ETV2: variants seen among roughly 807,000 people sequenced by gnomAD.
ETV2 encodes ETS variant transcription factor 2.
ETV2 carries 34 observed loss-of-function variants against 35.7 expected under a neutral mutation model. The observed-to-expected ratio is 0.95, with a 90% CI of 0.72 to 1.27. ETV2 has a LOEUF of 1.27. Among genes scored for constraint, ETV2 ranks in the 50% most tolerant of loss-of-function variants. The pLI is 0.00. For synonymous variants in ETV2, 207 were observed against 203.9 expected, an observed-to-expected ratio of 1.02 and a Z score of -0.13; for missense variants, 512 against 470.5, an observed-to-expected ratio of 1.09 and a Z score of -0.82.
chr19:35,643,539 C>A lies in ETV2; in HGVS notation c.501C>A (p.Gly167=), dbSNP rs1001311370. The change falls in exon 5 of 7, where the codon GGC becomes GGA. Residue 167 remains glycine (G), a synonymous_variant. Transcript: ENST00000402764. This position sits in a 1 kb window ranked among gnomAD's most constrained non-coding sequence, Gnocchi z 5.0. ...SVGPDGDTYW[G]SGLGGEPRTD... ...GGCCCGACGGCGATACCTACTGGGG[C>A]AGTGGCCTGGGCGGGGAGCCGCGCA... 1 of 1,552,744 alleles carries A rather than the reference C, an allele frequency of 6.4e-7. No individual in the cohort carries two copies. Among genetic ancestry groups the A allele is most frequent in the Non-Finnish European group, 8.7e-7 (1 of 1,148,082 alleles).
In ETV2 at chr19:35,642,763, A is replaced by C; in HGVS notation, c.154+65A>C. 3.7e-6 allele frequency: 4 copies of C among 1,084,886 alleles called. No individual in the cohort carries two copies. The highest frequency in any genetic ancestry group is 5.2e-6 in the Non-Finnish European group (4 of 769,050). The allele number at this position is 1,084,886 out of a possible 1,614,324, so 67.2% of individuals were successfully genotyped here. A position where few individuals can be genotyped will look rare whatever the true frequency, so the allele number is the denominator to read the frequency against. On this transcript the variant is annotated intron_variant, in intron 3 of 6. Coordinates refer to ENST00000402764, the MANE Select transcript of ETV2 (RefSeq NM_014209.4). The surrounding 1 kb of genome is among the most constrained non-coding windows in gnomAD (Gnocchi z 4.4). ...CGGGGAGGCTGGGATCCTAGGGCAA[A>C]GGGAGGAGGGGGGCGTGCCTAGGTT...
Position 35,644,369 on chromosome 19 carries a change from GC to G in ETV2, c.828+24del. The G allele has an allele frequency of 7.4e-7, 1 of 1,348,402 alleles. No individual in the cohort carries two copies. Among genetic ancestry groups the G allele is most frequent in the Non-Finnish European group, 9.8e-7 (1 of 1,016,056 alleles). 83.5% of individuals were successfully genotyped at this position (1,348,402 alleles called of 1,614,324 possible). ...AGAGGTGGGGCAGCTCCCCTGCCCAGCCAAATCCGCCCCGTCTCTTCTAGTT... is the reference window on the plus strand; with the variant it reads ...AGAGGTGGGGCAGCTCCCCTGCCCAGCAAATCCGCCCCGTCTCTTCTAGTT... On this transcript the variant is annotated intron_variant, in intron 6 of 6. Coordinates refer to ENST00000402764, the MANE Select transcript of ETV2 (RefSeq NM_014209.4). This position sits in a 1 kb window ranked among gnomAD's most constrained non-coding sequence, Gnocchi z 4.7.
In ETV2 at chr19:35,642,989, T is replaced by C; in HGVS notation, c.179T>C (p.Phe60Ser). The change falls in exon 4 of 7, where the codon TTC becomes TCC. Residue 60 changes from phenylalanine (F) to serine (S), a missense_variant. Coordinates refer to ENST00000402764, the MANE Select transcript of ETV2 (RefSeq NM_014209.4). The surrounding 1 kb of genome is among the most constrained non-coding windows in gnomAD (Gnocchi z 4.4). ...WKGTSSSLAS[F>S]PQLDWGSALL... ...GGTACAAGCTCATCCCTGGCAAGCTTCCCACAGCTGGACTGGGGCTCCGCG... is the reference window on the plus strand; with the variant it reads ...GGTACAAGCTCATCCCTGGCAAGCTCCCCACAGCTGGACTGGGGCTCCGCG... 6.4e-7 allele frequency: 1 copy of C among 1,574,274 alleles called. No individual in the cohort carries two copies. Among genetic ancestry groups the C allele is most frequent in the Non-Finnish European group, 8.6e-7 (1 of 1,158,936 alleles).
At position 35,643,112 on chromosome 19, in the gene ETV2, G is replaced by C. The variant is rs932313252; in HGVS notation, c.235+67G>C. ...CCGAGGCACCGGGGCTAGAGGTGTA[G>C]ACTCCCTGATCTTTGAGGACTGAGA... On this transcript the variant is annotated intron_variant, in intron 4 of 6. Transcript: ENST00000402764. The surrounding 1 kb of genome is among the most constrained non-coding windows in gnomAD (Gnocchi z 5.0). 6.5e-6 allele frequency: 9 copies of C among 1,376,608 alleles called. No homozygotes were observed. The highest frequency in any genetic ancestry group is 5.8e-5 in the African/African-American group (4 of 68,486). The allele number at this position is 1,376,608 out of a possible 1,614,324, so 85.3% of individuals were successfully genotyped here. A position where few individuals can be genotyped will look rare whatever the true frequency, so the allele number is the denominator to read the frequency against.
Position 35,643,800 on chromosome 19 carries a change from A to G in ETV2, c.715+47A>G. 1.9e-6 allele frequency: 3 copies of G among 1,608,978 alleles called. No homozygotes were observed. Among genetic ancestry groups the G allele is most frequent in the African/African-American group, 1.3e-5 (1 of 74,490 alleles). ...CGGGGAGGGCGAAGCTGGAGTCCTG[A>G]GCCGGGACCCAGGCACCTAAGGGGG... On this transcript the variant is annotated intron_variant, in intron 5 of 6. Transcript: ENST00000402764. This position sits in a 1 kb window ranked among gnomAD's most constrained non-coding sequence, Gnocchi z 5.0.
rs1967605997 is a variant in ETV2 at position 35,641,878 on chromosome 19, T to C, written c.-306T>C. On this transcript the variant is annotated 5_prime_UTR_variant, in exon 1 of 7. Coordinates refer to ENST00000402764, the MANE Select transcript of ETV2 (RefSeq NM_014209.4). ...CCCCGCCCCCATCACCCCGTAAACTTCTCCCAGCCTCCGCCCTGCCCTCAC... is the reference window on the plus strand; with the variant it reads ...CCCCGCCCCCATCACCCCGTAAACTCCTCCCAGCCTCCGCCCTGCCCTCAC... 7.5e-6 allele frequency: 1 copy of C among 132,462 alleles called. No individual in the cohort carries two copies. 8.2% of individuals were successfully genotyped at this position (132,462 alleles called of 1,614,324 possible).
In ETV2 at chr19:35,644,844, A is replaced by T; in HGVS notation, c.1021A>T (p.Thr341Ser). 6.2e-7 allele frequency: 1 copy of T among 1,600,300 alleles called. No homozygotes were observed. The highest frequency in any genetic ancestry group is 8.5e-7 in the Non-Finnish European group (1 of 1,173,632). The change falls in exon 7 of 7, where the codon ACA (threonine) becomes TCA (serine). Residue 341 changes from threonine to serine, a missense_variant. Transcript: ENST00000402764. This position sits in a 1 kb window ranked among gnomAD's most constrained non-coding sequence, Gnocchi z 4.7. ...TGCGGGAGGCGGACGGGGAGCAGAGACACAATAAAAATTCCCGGTCAAACC... is the reference window on the plus strand; with the variant it reads ...TGCGGGAGGCGGACGGGGAGCAGAGTCACAATAAAAATTCCCGGTCAAACC... ...DCAGGGRGAETQ is the reference protein window; with the variant it reads ...DCAGGGRGAESQ
Position 35,643,784 on chromosome 19 carries a change from C to T in ETV2, c.715+31C>T, listed in dbSNP as rs745347755. The T allele has an allele frequency of 1.9e-6, 3 of 1,612,004 alleles. No individual in the cohort carries two copies. The highest frequency in any genetic ancestry group is 2.2e-5 in the East Asian group (1 of 44,772). ...AGGGCCGCAAAGACTGCGGGGAGGG[C>T]GAAGCTGGAGTCCTGAGCCGGGACC... On this transcript the variant is annotated intron_variant, in intron 5 of 6. Coordinates refer to ENST00000402764, the MANE Select transcript of ETV2 (RefSeq NM_014209.4). The surrounding 1 kb of genome is among the most constrained non-coding windows in gnomAD (Gnocchi z 5.0).
In ETV2 at chr19:35,642,619, A is replaced by T. The variant is rs1967631891; in HGVS notation, c.75A>T (p.Gly25=). The T allele has an allele frequency of 9.9e-6, 16 of 1,609,610 alleles. No homozygotes were observed. The highest frequency in any genetic ancestry group is 1.4e-5 in the Non-Finnish European group (16 of 1,178,042). Residue 25 remains glycine (G), a synonymous_variant, in exon 3 of 7, where the codon GGA becomes GGT. Coordinates refer to ENST00000402764, the MANE Select transcript of ETV2 (RefSeq NM_014209.4). This position sits in a 1 kb window ranked among gnomAD's most constrained non-coding sequence, Gnocchi z 4.4. ...PPGNKLAGLE[G]AKLGFCFPDL... ...CTAACCCCTTATCGCCTGCAGAAGG[A>T]GCCAAATTAGGCTTCTGTTTCCCTG...
At position 35,643,036 on chromosome 19, in the gene ETV2, T is replaced by A. The variant is rs1028984034; in HGVS notation, c.226T>A (p.Trp76Arg). Reference protein sequence around the residue: ...GSALLHPEVPWGAEPDSQALP... With the variant: ...GSALLHPEVPRGAEPDSQALP... ...CGCGTTACTGCACCCAGAAGTTCCA[T>A]GGGGGGCGGGTGAGTGTGGGGAGAG... Residue 76 changes from tryptophan to arginine, a missense_variant, in exon 4 of 7, where the codon TGG becomes AGG. Trp to Arg is a moderately radical substitution (Grantham distance 101, BLOSUM62 -3). Transcript: ENST00000402764. The surrounding 1 kb of genome is among the most constrained non-coding windows in gnomAD (Gnocchi z 5.0). 3.5e-6 allele frequency: 5 copies of A among 1,433,918 alleles called. No homozygotes were observed. Among genetic ancestry groups the A allele is most frequent in the Non-Finnish European group, 4.7e-6 (5 of 1,064,802 alleles). 88.8% of individuals were successfully genotyped at this position (1,433,918 alleles called of 1,614,324 possible).
chr19:35,642,232 C>T lies in ETV2; in HGVS notation c.-28+76C>T. Reference sequence around the variant, plus strand: ...CCTGGGGGACTAGACTCCCAAGAAGCCGGGGGCCTGGACTCCTGGGTCTAA... The same window carrying T: ...CCTGGGGGACTAGACTCCCAAGAAGTCGGGGGCCTGGACTCCTGGGTCTAA... On this transcript the variant is annotated intron_variant, in intron 1 of 6. Coordinates refer to ENST00000402764, the MANE Select transcript of ETV2 (RefSeq NM_014209.4). This position sits in a 1 kb window ranked among gnomAD's most constrained non-coding sequence, Gnocchi z 4.4. 2.2e-6 allele frequency: 1 copy of T among 449,310 alleles called. No individual in the cohort carries two copies. The highest frequency in any genetic ancestry group is 3.9e-6 in the Non-Finnish European group (1 of 253,208). The allele number at this position is 449,310 out of a possible 1,614,324, so 27.8% of individuals were successfully genotyped here. A position where few individuals can be genotyped will look rare whatever the true frequency, so the allele number is the denominator to read the frequency against.
At position 35,642,642 on chromosome 19, in the gene ETV2, C is replaced by A; in HGVS notation, c.98C>A (p.Pro33His). 1 of 1,607,754 alleles carries A rather than the reference C, an allele frequency of 6.2e-7. No individual in the cohort carries two copies. Among genetic ancestry groups the A allele is most frequent in the Non-Finnish European group, 8.5e-7 (1 of 1,177,222 alleles). ...LEGAKLGFCF[P>H]DLALQGDTPT... Reference sequence around the variant, plus strand: ...GGAGCCAAATTAGGCTTCTGTTTCCCTGATCTGGCACTCCAAGGGGACACG... The same window carrying A: ...GGAGCCAAATTAGGCTTCTGTTTCCATGATCTGGCACTCCAAGGGGACACG... Residue 33 changes from proline (P) to histidine (H), a missense_variant, in exon 3 of 7, where the codon CCT (proline) becomes CAT (histidine). Coordinates refer to ENST00000402764, the MANE Select transcript of ETV2 (RefSeq NM_014209.4). This position sits in a 1 kb window ranked among gnomAD's most constrained non-coding sequence, Gnocchi z 4.4.
rs147617217 is a variant in ETV2 at position 35,644,585 on chromosome 19, C to T, written c.829-67C>T. On this transcript the variant is annotated intron_variant, in intron 6 of 6. Transcript: ENST00000402764. This position sits in a 1 kb window ranked among gnomAD's most constrained non-coding sequence, Gnocchi z 4.7. ...GTCTGCACTGCACACCGCCCCCAGG[C>T]CCGGCCCTCCCCACTATCGCCAAGC... The T allele has an allele frequency of 6.8e-7, 1 of 1,461,872 alleles. No homozygotes were observed. Among genetic ancestry groups the T allele is most frequent in the Non-Finnish European group, 9.2e-7 (1 of 1,085,780 alleles). 90.6% of individuals were successfully genotyped at this position (1,461,872 alleles called of 1,614,324 possible). A position where few individuals can be genotyped will look rare whatever the true frequency, so the allele number is the denominator to read the frequency against.
Position 35,644,533 on chromosome 19 carries a change from C to CA in ETV2, c.829-118dup. The CA allele has an allele frequency of 9.5e-7, 1 of 1,052,150 alleles. No homozygotes were observed. Among genetic ancestry groups the CA allele is most frequent in the Non-Finnish European group, 1.4e-6 (1 of 730,240 alleles). The allele number at this position is 1,052,150 out of a possible 1,614,324, so 65.2% of individuals were successfully genotyped here. On this transcript the variant is annotated intron_variant, in intron 6 of 6. Coordinates refer to ENST00000402764, the MANE Select transcript of ETV2 (RefSeq NM_014209.4). This position sits in a 1 kb window ranked among gnomAD's most constrained non-coding sequence, Gnocchi z 4.7. ...CTCCTGCCTCAACCAACCCAGTCTC[C>CA]ACCGGGCTCTGCGAGGCCTCGCCCA...
In ETV2 at chr19:35,643,791, G is replaced by A. The variant is rs375568815; in HGVS notation, c.715+38G>A. 6 of 1,612,002 alleles carry A rather than the reference G, an allele frequency of 3.7e-6. No individual in the cohort carries two copies. The highest frequency in any genetic ancestry group is 3.4e-6 in the Non-Finnish European group (4 of 1,179,592). ...CAAAGACTGCGGGGAGGGCGAAGCT[G>A]GAGTCCTGAGCCGGGACCCAGGCAC... On this transcript the variant is annotated intron_variant, in intron 5 of 6. Transcript: ENST00000402764. This position sits in a 1 kb window ranked among gnomAD's most constrained non-coding sequence, Gnocchi z 5.0.
chr19:35,643,805 G>A lies in ETV2; in HGVS notation c.715+52G>A. 2 of 1,608,686 alleles carry A rather than the reference G, an allele frequency of 1.2e-6. No individual in the cohort carries two copies. Among genetic ancestry groups the A allele is most frequent in the African/African-American group, 1.3e-5 (1 of 74,784 alleles). ...AGGGCGAAGCTGGAGTCCTGAGCCG[G>A]GACCCAGGCACCTAAGGGGGCGGGG... is the stretch of plus-strand genomic sequence containing the variant. On this transcript the variant is annotated intron_variant, in intron 5 of 6. Coordinates refer to ENST00000402764, the MANE Select transcript of ETV2 (RefSeq NM_014209.4). This position sits in a 1 kb window ranked among gnomAD's most constrained non-coding sequence, Gnocchi z 5.0.
In ETV2 at chr19:35,644,178, G is replaced by A; in HGVS notation, c.716-57G>A. On this transcript the variant is annotated intron_variant, in intron 5 of 6. Coordinates refer to ENST00000402764, the MANE Select transcript of ETV2 (RefSeq NM_014209.4). This position sits in a 1 kb window ranked among gnomAD's most constrained non-coding sequence, Gnocchi z 4.7. The stretch of plus-strand genomic sequence containing the variant: ...GGAGGACCCGGACCTCTAGATCATT[G>A]AAGTGGTGTGATCTAGGGCCGGGAA... 8.5e-7 allele frequency: 1 copy of A among 1,179,388 alleles called. No homozygotes were observed. Among genetic ancestry groups the A allele is most frequent in the African/African-American group, 1.5e-5 (1 of 66,138 alleles). The allele number at this position is 1,179,388 out of a possible 1,614,324, so 73.1% of individuals were successfully genotyped here.
Position 35,644,352 on chromosome 19 carries a change from G to A in ETV2, c.828+5G>A, listed in dbSNP as rs1276458932. On this transcript the variant is annotated splice_donor_5th_base_variant and intron_variant, in intron 6 of 6. Transcript: ENST00000402764. The surrounding 1 kb of genome is among the most constrained non-coding windows in gnomAD (Gnocchi z 4.7). ...CAGCTGTGCGACCCCAAAGAGGTGG[G>A]GCAGCTCCCCTGCCCAGCCAAATCC... is the stretch of plus-strand genomic sequence containing the variant. The A allele has an allele frequency of 2.0e-6, 3 of 1,516,042 alleles. No individual in the cohort carries two copies. The highest frequency in any genetic ancestry group is 2.7e-6 in the Non-Finnish European group (3 of 1,125,256). 93.9% of individuals were successfully genotyped at this position (1,516,042 alleles called of 1,614,324 possible).
Position 35,643,571 on chromosome 19 carries a change from G to C in ETV2, c.533G>C (p.Cys178Ser). The change falls in exon 5 of 7, where the codon TGT becomes TCT. Residue 178 changes from cysteine to serine, a missense_variant. Cys to Ser is a moderately radical substitution (Grantham distance 112). Coordinates refer to ENST00000402764, the MANE Select transcript of ETV2 (RefSeq NM_014209.4). This position sits in a 1 kb window ranked among gnomAD's most constrained non-coding sequence, Gnocchi z 5.0. ...SGLGGEPRTDCTISWGGPAGP... is the reference protein window; with the variant it reads ...SGLGGEPRTDSTISWGGPAGP... ...CTGGGCGGGGAGCCGCGCACGGACT[G>C]TACCATTTCGTGGGGCGGGCCCGCG... 2 of 1,577,894 alleles carry C rather than the reference G, an allele frequency of 1.3e-6. No individual in the cohort carries two copies. Among genetic ancestry groups the C allele is most frequent in the Non-Finnish European group, 1.7e-6 (2 of 1,162,384 alleles).
Sources: gnomAD v4.1 joint callset for allele counts on GRCh38, gnomAD v4.1.1 for gene constraint, Gnocchi (gnomAD v3.1) non-coding constraint, MANE v1.5 for transcripts, NCBI Gene and HGNC (gene_info 2026-07-23, HGNC 2026-07-21) for gene names.